TP53I13: variants seen among roughly 807,000 people sequenced by gnomAD.
TP53I13 encodes the protein tumor protein p53-inducible protein 13.
TP53I13 carries 27 observed loss-of-function variants against 39.1 expected under a neutral mutation model. The ratio of observed to expected loss-of-function variants is 0.69; its 90% confidence interval spans 0.51 to 0.95. The LOEUF (loss-of-function observed/expected upper bound fraction) is 0.95. Among genes scored for constraint, TP53I13 ranks in the 40% least tolerant of loss-of-function variants. The probability of loss-of-function intolerance (pLI) is 0.00; values close to 1 mark genes in which losing one functional copy is unlikely to be tolerated. For synonymous variants in TP53I13, 230 were observed against 224.6 expected (o/e 1.02, Z -0.22); for missense variants, 544 against 520.4 (o/e 1.05, Z -0.44).
At chr17:29,578,327 G>A in the TP53I13 span, 34 of 1,614,076 alleles carry the variant, frequency 2.1e-5, 1 homozygote, top group East Asian at 1.3e-4. Flanking sequence ...GATCCACCTC[G>A]TCATACACGT....
chr17:29,572,657 C>T lies in TP53I13; in HGVS notation c.1029C>T (p.Ile343=). The change falls in exon 6 of 7, where the codon ATC becomes ATT. Residue 343 remains isoleucine (I), a synonymous_variant. Coordinates refer to ENST00000301057, the MANE Select transcript of TP53I13 (RefSeq NM_138349.4). ...GAAACTTCCGACGCGGGGAGAGCAT[C>T]TACTGGGGGCCCACAGCGGACAGCC... The part of the protein sequence containing the change: ...LHRNFRRGES[I]YWGPTADSQD... The T allele has an allele frequency of 1.3e-6, 2 of 1,581,758 alleles. No individual in the cohort carries two copies. The highest frequency in any genetic ancestry group is 4.7e-5 in the East Asian group (2 of 42,980).
downstream of TP53I13, chr17:29,576,085 A>T: frequency 6.2e-7 from 1 of 1,613,740 alleles, no homozygotes; most frequent in South Asian, 1.1e-5. Context: ...TACCCGGTAA[A>T]GGCCAGCAGG....
chr17:29,579,485 C>A, the TP53I13 span, among the ~76,000 whole-genome samples: 2 of 152,206 alleles, frequency 1.3e-5, no homozygotes, highest in African/African-American at 4.8e-5. Flanking sequence ...GTGGCTCACA[C>A]CTGTAATCCT....
chr17:29,573,471 C>G (rs2033061437), downstream of TP53I13: 1 of 152,894 alleles, frequency 6.5e-6, no homozygotes, highest in African/African-American at 2.4e-5. Flanking sequence ...GCATCAGAAA[C>G]AGCTCATGGT....
upstream of TP53I13, chr17:29,566,421 C>T (rs2032712769): frequency 1.9e-6 from 3 of 1,612,084 alleles, no homozygotes; most frequent in African/African-American, 2.7e-5. Flanking sequence ...AGCCGCGCTC[C>T]AGGGCGAGCA....
At chr17:29,573,354 C>T (rs1203219143), downstream of TP53I13, 3 of 160,574 alleles carry the variant, frequency 1.9e-5, no homozygotes, top group East Asian at 5.5e-4. Context: ...ACTAACTCTT[C>T]CACTAGACAG....
the TP53I13 span, chr17:29,578,947 G>T: frequency 6.2e-7 from 1 of 1,612,988 alleles, no homozygotes. Context: ...TGCTGCCCCG[G>T]CAGGCACCAT....
intron 6 of TP53I13, 30 bp downstream of exon 6, chr17:29,572,727 G>C: frequency 6.7e-7 from 1 of 1,503,094 alleles, no homozygotes; most frequent in Non-Finnish European, 8.9e-7. Context: ...CCCTACCCGA[G>C]GCCCCCGCCC....
In TP53I13 at chr17:29,568,915, C is replaced by A; in HGVS notation, c.72+85C>A. ...GTTCGTCCTGGAAGGAGTGGCGCGCCGAGGGGGACGCGGAGTTCTTCCGCT... is the reference window on the plus strand; with the variant it reads ...GTTCGTCCTGGAAGGAGTGGCGCGCAGAGGGGGACGCGGAGTTCTTCCGCT... On this transcript the variant is annotated intron_variant, in intron 1 of 6. Coordinates refer to ENST00000301057, the MANE Select transcript of TP53I13 (RefSeq NM_138349.4). This position sits in a 1 kb window ranked among gnomAD's most constrained non-coding sequence, Gnocchi z 4.5. 2 of 1,596,278 alleles carry A rather than the reference C, an allele frequency of 1.3e-6. No homozygotes were observed. The highest frequency in any genetic ancestry group is 1.7e-6 in the Non-Finnish European group (2 of 1,174,672).
At chr17:29,567,416 G>A (rs2150793404), upstream of TP53I13, 1 of 152,078 alleles carries the variant, frequency 6.6e-6, no homozygotes, top group East Asian at 1.9e-4. This position sits in a 1 kb window ranked among gnomAD's most constrained non-coding sequence, Gnocchi z 6.6. Flanking sequence ...GGAGAGGTGA[G>A]TAAGTCGCAG....
chr17:29,568,860 G>C lies in TP53I13; in HGVS notation c.72+30G>C, dbSNP rs757201171. The C allele has an allele frequency of 2.5e-6, 4 of 1,599,612 alleles. No homozygotes were observed. In the African/African-American group the frequency reaches 5.3e-5, roughly 21 times the overall value. ...GGTGACCCGCTCCTGGGAAGGCCTCGGCCCGCGAGCTCAAAGCGCTTTGCC... is the reference window on the plus strand; with the variant it reads ...GGTGACCCGCTCCTGGGAAGGCCTCCGCCCGCGAGCTCAAAGCGCTTTGCC... On this transcript the variant is annotated intron_variant, in intron 1 of 6. Transcript: ENST00000301057. This position sits in a 1 kb window ranked among gnomAD's most constrained non-coding sequence, Gnocchi z 4.5.
upstream of TP53I13, chr17:29,566,654 G>A: frequency 6.2e-7 from 1 of 1,603,826 alleles, no homozygotes; most frequent in Non-Finnish European, 8.5e-7. Flanking sequence ...GTCTGCAGGT[G>A]GGGCCCGGAG....
chr17:29,581,564 T>A, the TP53I13 span: 1 of 695,960 alleles, frequency 1.4e-6, no homozygotes, highest in South Asian at 1.7e-5. This position sits in a 1 kb window ranked among gnomAD's most constrained non-coding sequence, Gnocchi z 4.8. Context: ...CCCCACTCCC[T>A]AGCCCCAGCG....
At chr17:29,571,477 A>C in intron 3 of TP53I13, 114 bp from the exon 4 acceptor site, 1 of 1,452,198 alleles carries the variant, frequency 6.9e-7, no homozygotes, top group Non-Finnish European at 9.3e-7. Context: ...TGAAGGTAGA[A>C]GAGCCATCCA....
intron 4 of TP53I13, 34 bp downstream of exon 4, chr17:29,571,753 T>C: frequency 6.2e-7 from 1 of 1,613,940 alleles, no homozygotes; most frequent in Non-Finnish European, 8.5e-7. Flanking sequence ...TGCCTGGCCC[T>C]GGCAGAAGGC....
At chr17:29,567,218 G>A (rs1208959545), upstream of TP53I13, 1 of 175,010 alleles carries the variant, frequency 5.7e-6, no homozygotes, top group Non-Finnish European at 1.2e-5. This position sits in a 1 kb window ranked among gnomAD's most constrained non-coding sequence, Gnocchi z 6.6. Context: ...GAGGAGCCGG[G>A]GCCACCAGGG....
chr17:29,569,156 G>A (rs1472679336), intron 2 of TP53I13, 70 bp downstream of exon 2: 1 of 1,509,712 alleles, frequency 6.6e-7, no homozygotes, highest in Non-Finnish European at 9.0e-7. Flanking sequence ...TGTTCTCGCC[G>A]CACCCTCCAC....
At chr17:29,572,718 C>A in intron 6 of TP53I13, 21 bp downstream of exon 6, 1 of 1,513,066 alleles carries the variant, frequency 6.6e-7, no homozygotes, top group Non-Finnish European at 8.9e-7. Flanking sequence ...CCCTCCCTAC[C>A]CTACCCGAGG....
chr17:29,572,685 GACACAGTGGCTGGT>G lies in TP53I13; in HGVS notation c.1058_1069+2del. On this transcript the variant is annotated splice_donor_variant and coding_sequence_variant, in exon 6 of 7. Transcript: ENST00000301057. LOFTEE classifies it high-confidence loss of function. The stretch of plus-strand genomic sequence containing the variant: ...CTGGGGGCCCACAGCGGACAGCCAG[GACACAGTGGCTGGT>G]GAGGAGTTCCCTCCCTACCCTACCC... 1 of 1,559,134 alleles carries G rather than the reference GACACAGTGGCTGGT, an allele frequency of 6.4e-7. No homozygotes were observed. The highest frequency in any genetic ancestry group is 1.2e-5 in the South Asian group (1 of 84,380).
Sources: allele counts gnomAD v4.1 joint callset (sites outside exome capture counted in the v4.1 genomes callset), GRCh38; gene constraint gnomAD v4.1.1; non-coding constraint Gnocchi (gnomAD v3.1); transcripts MANE v1.5; gene names NCBI Gene and HGNC (gene_info 2026-07-23, HGNC 2026-07-21).